The following SERGEF variants were observed in gnomAD, a reference collection of about 807,000 sequenced individuals.
SERGEF encodes secretion regulating guanine nucleotide exchange factor.
In SERGEF, 51 loss-of-function variants were observed where a neutral mutation model predicts 50.0. The ratio of observed to expected loss-of-function variants is 1.02; its 90% CI spans 0.81 to 1.29. SERGEF has a LOEUF of 1.29. SERGEF is among the 50% of genes most tolerant of loss of function. SERGEF has a pLI of 0.00. For synonymous variants in SERGEF, 205 were observed against 212.4 expected (o/e 0.97, Z 0.30); for missense variants, 521 against 557.0 (o/e 0.94, Z 0.65).
intron 8 of SERGEF, among the ~76,000 whole-genome samples, chr11:17,964,966 G>A (rs1319943663): frequency 6.6e-6 from 1 of 152,182 alleles, no homozygotes; most frequent in Non-Finnish European, 1.5e-5. Context: ...AACAGGCAAG[G>A]AGAGAGCTCA....
At chr11:18,011,224 G>A (rs1234929824) in intron 1 of SERGEF, among the ~76,000 whole-genome samples, 2 of 151,808 alleles carry the variant, frequency 1.3e-5, no homozygotes, top group African/African-American at 2.4e-5. Context: ...CAAAATTCAC[G>A]TGTTGAAGCC....
intron 10 of SERGEF, among the ~76,000 whole-genome samples, chr11:17,866,372 C>T (rs1851023385): frequency 6.6e-6 from 1 of 152,222 alleles, no homozygotes; most frequent in Admixed American, 6.5e-5. Context: ...AACATGCTGT[C>T]CAGGTTTATA....
chr11:17,974,337 A>G (rs1853322497), intron 8 of SERGEF, among the ~76,000 whole-genome samples: 1 of 152,252 alleles, frequency 6.6e-6, no homozygotes, highest in Non-Finnish European at 1.5e-5. Context: ...TAGTCCCACC[A>G]GAGACAGTTA....
At chr11:17,982,276 A>G (rs1853510387) in intron 8 of SERGEF, among the ~76,000 whole-genome samples, 1 of 152,200 alleles carries the variant, frequency 6.6e-6, no homozygotes, top group African/African-American at 2.4e-5. Flanking sequence ...TAGCTCCTTC[A>G]TTCACTCACT....
intron 3 of SERGEF, among the ~76,000 whole-genome samples, chr11:18,005,837 T>C (rs1854061342): frequency 6.6e-6 from 1 of 151,710 alleles, no homozygotes; most frequent in Admixed American, 6.6e-5. Context: ...GCCTAACACA[T>C]TTAGAAAAAA....
At chr11:17,966,456 A>T in intron 8 of SERGEF, among the ~76,000 whole-genome samples, 1 of 152,112 alleles carries the variant, frequency 6.6e-6, no homozygotes, top group Non-Finnish European at 1.5e-5. Flanking sequence ...ACCGCAACAG[A>T]TGACCTCTTG....
At chr11:17,955,542 G>A (rs1451928268) in intron 9 of SERGEF, among the ~76,000 whole-genome samples, 2 of 152,238 alleles carry the variant, frequency 1.3e-5, no homozygotes, top group African/African-American at 2.4e-5. Flanking sequence ...AGAAATCCAA[G>A]AAGGCAGTGT....
Position 17,963,095 on chromosome 11 carries a change from T to A in SERGEF, c.845-3459A>T, listed in dbSNP as rs369042858. 1.3e-4 allele frequency among the ~76,000 whole-genome samples: 18 copies of A among 143,504 alleles called. No homozygotes were observed. The East Asian group carries it at 3.5e-3, about 28-fold the overall frequency. The allele number at this position is 143,504 out of a possible 152,430, so 94.1% of individuals were successfully genotyped here. On this transcript the variant is annotated intron_variant, in intron 8 of 10. Coordinates refer to ENST00000265965, the MANE Select transcript of SERGEF (RefSeq NM_012139.4). ...TACTGGGGAGGCTGAGGTGGGAGAA[T>A]CACTTGAACCTGGGAGGCAGAGGTT...
intron 1 of SERGEF, chr11:18,009,994 A>G (rs974310799): frequency 1.8e-6 from 1 of 563,446 alleles, no homozygotes; most frequent in African/African-American, 2.0e-5. Flanking sequence ...TGTATTCAGA[A>G]TTGAAGACAA....
chr11:17,939,448 C>G (rs755562736), intron 9 of SERGEF: 1 of 152,162 alleles, frequency 6.6e-6, no homozygotes, highest in South Asian at 2.1e-4. Context: ...TGAGTGTGGA[C>G]AGAAAAATCT....
chr11:17,791,820 G>A (rs552843948), intron 10 of SERGEF, among the ~76,000 whole-genome samples: 63 of 152,328 alleles, frequency 4.1e-4, no homozygotes, highest in Non-Finnish European at 6.5e-4. Context: ...TCAGAATGGC[G>A]CCTGGCACAT....
intron 9 of SERGEF, among the ~76,000 whole-genome samples, chr11:17,957,304 C>T (rs1161478445): frequency 2.0e-5 from 3 of 152,212 alleles, no homozygotes; most frequent in African/African-American, 7.2e-5. Flanking sequence ...AGAATGGAAT[C>T]AACAGTTTCT....
rs191411656 is a variant in SERGEF at position 17,833,272 on chromosome 11, G to A, written c.1049-44859C>T. Among the ~76,000 whole-genome samples, 69 of 152,296 alleles carry A rather than the reference G, an allele frequency of 4.5e-4. No individual in the cohort carries two copies. The East Asian group carries it at 0.012, about 26-fold the overall frequency. On this transcript the variant is annotated intron_variant, in intron 10 of 10. Coordinates refer to ENST00000265965, the MANE Select transcript of SERGEF (RefSeq NM_012139.4). ...CTTGGGCCGTGGCTTCAGAGGGTGCGAACCTCAAACCTTGGCAGCTTCCAC... is the reference window on the plus strand; with the variant it reads ...CTTGGGCCGTGGCTTCAGAGGGTGCAAACCTCAAACCTTGGCAGCTTCCAC...
intron 10 of SERGEF, among the ~76,000 whole-genome samples, chr11:17,830,649 G>GAGA (rs1554999450): frequency 0.018 from 1,390 of 77,676 alleles, 179 homozygotes; most frequent in East Asian, 0.073. Flanking sequence ...GGAGAGGGAG[G>GAGA]GAGAGAGAGA....
At chr11:17,860,720 A>G (rs572512426) in intron 10 of SERGEF, among the ~76,000 whole-genome samples, 66 of 152,340 alleles carry the variant, frequency 4.3e-4, no homozygotes, top group African/African-American at 1.6e-3. Flanking sequence ...TGGTTTCATC[A>G]AATATGAGTT....
intron 10 of SERGEF, among the ~76,000 whole-genome samples, chr11:17,846,174 A>G (rs1319204598): frequency 6.6e-6 from 1 of 152,184 alleles, no homozygotes; most frequent in Non-Finnish European, 1.5e-5. Context: ...TCTTGGCCAT[A>G]AAGTGGGCTT....
rs1798497159 is a variant in SERGEF, at chr11:17,988,698, G to C, written c.743C>G (p.Ala248Gly). The change falls in exon 8 of 11, where the codon GCT becomes GGT. Residue 248 changes from alanine (A) to glycine (G), a missense_variant. Coordinates refer to ENST00000265965, the MANE Select transcript of SERGEF (RefSeq NM_012139.4). ...SNKHGQLANE[A>G]AFLPVPQKIE... ...TTTCTGGGGCACAGGAAGGAAAGCA[G>C]CCTCATTAGCCAGTTGCCCATGCTT... 2.5e-6 allele frequency: 4 copies of C among 1,613,992 alleles called. No homozygotes were observed. The highest frequency in any genetic ancestry group is 1.3e-5 in the African/African-American group (1 of 74,912).
chr11:17,983,696 T>C (rs1199482053), intron 8 of SERGEF, among the ~76,000 whole-genome samples: 6 of 145,776 alleles, frequency 4.1e-5, no homozygotes, highest in African/African-American at 1.3e-4. Flanking sequence ...AGTCAAAGAA[T>C]GCTACCAAAA....
rs118175202 is a variant in SERGEF, at chr11:17,836,689, C to T, written c.1048+41519G>A. Among the ~76,000 whole-genome samples the T allele has an allele frequency of 1.6e-3, 243 of 152,274 alleles. 1 individual carries two copies. The highest frequency in any genetic ancestry group is 3.0e-3 in the Non-Finnish European group (205 of 68,020). ...TACTCCTTTCCTTAAGGATTCTGGGCCTTTTCAAGTGTTATTCCCTTTTCT... is the reference window on the plus strand; with the variant it reads ...TACTCCTTTCCTTAAGGATTCTGGGTCTTTTCAAGTGTTATTCCCTTTTCT... On this transcript the variant is annotated intron_variant, in intron 10 of 10. Transcript: ENST00000265965.
Sources: allele counts gnomAD v4.1 joint callset (sites outside exome capture counted in the v4.1 genomes callset), GRCh38; gene constraint gnomAD v4.1.1; transcripts MANE v1.5; gene names NCBI Gene and HGNC (gene_info 2026-07-23, HGNC 2026-07-21).